CATSPER1: variants seen among roughly 807,000 people sequenced by gnomAD.
CATSPER1 encodes the protein cation channel sperm-associated protein 1.
A neutral mutation model predicts 72.7 loss-of-function variants in CATSPER1; 57 were observed. The ratio of observed to expected loss-of-function variants is 0.78; its 90% CI spans 0.63 to 0.98. The LOEUF (loss-of-function observed/expected upper bound fraction) is 0.98. CATSPER1 is among the 50% of genes least tolerant of loss of function. The pLI is 0.00. For synonymous variants in CATSPER1, 363 were observed against 403.0 expected (o/e 0.90, Z 1.19); for missense variants, 910 against 1,033.9 (o/e 0.88, Z 1.64).
intron 4 of CATSPER1, 142 bp downstream of exon 4, chr11:66,021,354 C>G: frequency 1.6e-6 from 2 of 1,254,000 alleles, no homozygotes; most frequent in Non-Finnish European, 2.2e-6. Context: ...CAGTGCATGA[C>G]AGAAGGCAGA....
At chr11:66,018,687 A>T in intron 10 of CATSPER1, 140 bp downstream of exon 10, 1 of 894,836 alleles carries the variant, frequency 1.1e-6, no homozygotes, top group Non-Finnish European at 1.8e-6. Context: ...TCCTCGTTGC[A>T]CCCACAGGCT....
Position 66,026,131 on chromosome 11 carries a change from C to A in CATSPER1, c.249G>T (p.Glu83Asp), listed in dbSNP as rs759895166. The change falls in exon 1 of 12, where the codon GAG (glutamate) becomes GAT (aspartate). Residue 83 changes from glutamate (E) to aspartate (D), a missense_variant. By Grantham distance (45) the Glu-to-Asp change is conservative. Transcript: ENST00000312106. Reference sequence around the variant, plus strand: ...CATGGGCTCTGCCGTGATTCCGTGCCTCGCTGTGGTGGTGAGATTGGTGGA... The same window carrying A: ...CATGGGCTCTGCCGTGATTCCGTGCATCGCTGTGGTGGTGAGATTGGTGGA... The part of the protein sequence containing the change: ...SHVHQSHHHS[E>D]ARNHGRAHGP... The A allele has an allele frequency of 6.2e-7, 1 of 1,607,152 alleles. No homozygotes were observed. Among genetic ancestry groups the A allele is most frequent in the East Asian group, 2.2e-5 (1 of 44,666 alleles).
intron 4 of CATSPER1, 22 bp downstream of exon 4, chr11:66,021,474 G>T: frequency 1.9e-6 from 3 of 1,611,356 alleles, no homozygotes; most frequent in Non-Finnish European, 1.7e-6. Flanking sequence ...CCCCACCCCA[G>T]GTGGGAGCCG....
At chr11:66,019,223 C>A (rs1471001444) in intron 9 of CATSPER1, among the ~76,000 whole-genome samples, 1 of 152,058 alleles carries the variant, frequency 6.6e-6, no homozygotes, top group East Asian at 1.9e-4. Context: ...CTGAAGTTAG[C>A]CCCACCCCCC....
chr11:66,020,086 G>A lies in CATSPER1; in HGVS notation c.2125+54C>T. 6.4e-7 allele frequency: 1 copy of A among 1,564,804 alleles called. No homozygotes were observed. Among genetic ancestry groups the A allele is most frequent in the Admixed American group, 1.7e-5 (1 of 59,940 alleles). On this transcript the variant is annotated intron_variant, in intron 9 of 11. Coordinates refer to ENST00000312106, the MANE Select transcript of CATSPER1 (RefSeq NM_053054.4). The surrounding 1 kb of genome is among the most constrained non-coding windows in gnomAD (Gnocchi z 4.5). The stretch of plus-strand genomic sequence containing the variant: ...TGGAAGGAGGTTAGGGGGATGGAGA[G>A]ACTGGCCCCCACTGCGGACGGGCAG...
rs145583697 is a variant in CATSPER1, at chr11:66,020,933, C to T, written c.1805G>A (p.Arg602Gln). The T allele has an allele frequency of 4.3e-5, 70 of 1,613,942 alleles. No individual in the cohort carries two copies. In the African/African-American group the frequency reaches 7.3e-4, roughly 17 times the overall value. ...GGGGTCAGATTTGCGGAACAGTGCC[C>T]GGAGGACCGCGGAGAAGAGGACTGG... The part of the protein sequence containing the change: ...TCLFLFSAVL[R>Q]ALFRKSDPKR... Residue 602 changes from arginine to glutamine, a missense_variant, in exon 6 of 12, where the codon CGG becomes CAG. Physicochemically the swap from Arg to Gln is conservative, Grantham distance 43. Transcript: ENST00000312106. The surrounding 1 kb of genome is among the most constrained non-coding windows in gnomAD (Gnocchi z 4.5).
rs1283800560 is a variant in CATSPER1 at position 66,021,618 on chromosome 11, C to T, written c.1569G>A (p.Val523=). Residue 523 remains valine (V), a synonymous_variant, in exon 4 of 12, where the codon GTG becomes GTA. Coordinates refer to ENST00000312106, the MANE Select transcript of CATSPER1 (RefSeq NM_053054.4). ...NLDFFIMAMA[V]LDFLLMQTHS... Reference sequence around the variant, plus strand: ...GGGTCTGCATCAGCAAGAAGTCCAGCACGGCCATGGCCATAATGAAGAAGT... The same window carrying T: ...GGGTCTGCATCAGCAAGAAGTCCAGTACGGCCATGGCCATAATGAAGAAGT... 6 of 1,608,852 alleles carry T rather than the reference C, an allele frequency of 3.7e-6. No individual in the cohort carries two copies. The highest frequency in any genetic ancestry group is 5.1e-6 in the Non-Finnish European group (6 of 1,177,554).
In CATSPER1 at chr11:66,017,194, T is replaced by TGGGGGGGGGGGGGGGGCCC; in HGVS notation, c.2202-21_2202-20insGGGCCCCCCCCCCCCCCCC. On this transcript the variant is annotated intron_variant, in intron 10 of 11. Coordinates refer to ENST00000312106, the MANE Select transcript of CATSPER1 (RefSeq NM_053054.4). ...TGCTGCCTGCGGGTGGGCGGGGGGG[T>TGGGGGGGGGGGGGGGGCCC]CGCAGAGACAGGGGCTGGGCTGACC... 1.8e-6 allele frequency: 1 copy of TGGGGGGGGGGGGGGGGCCC among 550,276 alleles called. No homozygotes were observed. The highest frequency in any genetic ancestry group is 5.3e-5 in the East Asian group (1 of 18,950). The allele number at this position is 550,276 out of a possible 1,614,324, so 34.1% of individuals were successfully genotyped here.
At chr11:66,022,808 T>G (rs992833891) in intron 2 of CATSPER1, 41 bp downstream of exon 2, 1 of 1,601,116 alleles carries the variant, frequency 6.2e-7, no homozygotes, top group African/African-American at 1.3e-5. Flanking sequence ...TGGAAGAGCA[T>G]CGGTGGCTTC....
chr11:66,025,709 T>C lies in CATSPER1; in HGVS notation c.671A>G (p.His224Arg). ...ATGATGACGGGACCTGCCATGGTGG[T>C]GGACTTGGTGATGGTGGGGCCAGCC... ...HRGWPHHHQV[H>R]HHGRSRHHEA... Residue 224 changes from histidine to arginine, a missense_variant, in exon 1 of 12, where the codon CAC becomes CGC. Physicochemically the swap from His to Arg is conservative, Grantham distance 29. Transcript: ENST00000312106. 2 of 1,613,360 alleles carry C rather than the reference T, an allele frequency of 1.2e-6. No homozygotes were observed. The highest frequency in any genetic ancestry group is 1.7e-6 in the Non-Finnish European group (2 of 1,179,784).
rs1282163572 is a variant in CATSPER1 at position 66,020,961 on chromosome 11, G to T, written c.1784-7C>A. On this transcript the variant is annotated splice_polypyrimidine_tract_variant and splice_region_variant and intron_variant, in intron 5 of 11. Coordinates refer to ENST00000312106, the MANE Select transcript of CATSPER1 (RefSeq NM_053054.4). The surrounding 1 kb of genome is among the most constrained non-coding windows in gnomAD (Gnocchi z 4.5). ...AGGACCGCGGAGAAGAGGACTGGCT[G>T]TTCAGGGCCAAACTCAGCTCTCCAG... 2 of 1,613,842 alleles carry T rather than the reference G, an allele frequency of 1.2e-6. No homozygotes were observed. The highest frequency in any genetic ancestry group is 8.5e-7 in the Non-Finnish European group (1 of 1,180,018).
Position 66,017,194 on chromosome 11 carries a change from T to TGGGGGGGGGGGGGGGGGGGGGGCCCC in CATSPER1, c.2202-21_2202-20insGGGGCCCCCCCCCCCCCCCCCCCCCC. The TGGGGGGGGGGGGGGGGGGGGGGCCCC allele has an allele frequency of 5.5e-6, 3 of 550,234 alleles. No homozygotes were observed. Among genetic ancestry groups the TGGGGGGGGGGGGGGGGGGGGGGCCCC allele is most frequent in the Non-Finnish European group, 1.0e-5 (3 of 295,832 alleles). The allele number at this position is 550,234 out of a possible 1,614,324, so 34.1% of individuals were successfully genotyped here. A position where few individuals can be genotyped will look rare whatever the true frequency, so the allele number is the denominator to read the frequency against. On this transcript the variant is annotated intron_variant, in intron 10 of 11. Coordinates refer to ENST00000312106, the MANE Select transcript of CATSPER1 (RefSeq NM_053054.4). Reference sequence around the variant, plus strand: ...TGCTGCCTGCGGGTGGGCGGGGGGGTCGCAGAGACAGGGGCTGGGCTGACC... The same window carrying TGGGGGGGGGGGGGGGGGGGGGGCCCC: ...TGCTGCCTGCGGGTGGGCGGGGGGGTGGGGGGGGGGGGGGGGGGGGGGCCCCCGCAGAGACAGGGGCTGGGCTGACC...
Position 66,016,849 on chromosome 11 carries a change from A to G in CATSPER1, c.*41T>C. On this transcript the variant is annotated 3_prime_UTR_variant, in exon 12 of 12. Transcript: ENST00000312106. ...CGTCCCAGTGCACCCAGGTGGGCAG[A>G]CTGCCAGGGGCTGAAGTCTGTATCT... The G allele has an allele frequency of 6.2e-7, 1 of 1,604,212 alleles. No homozygotes were observed. Among genetic ancestry groups the G allele is most frequent in the African/African-American group, 1.3e-5 (1 of 74,846 alleles).
Position 66,025,955 on chromosome 11 carries a change from T to TTA in CATSPER1, c.424_425insTA (p.His142LeufsTer194), listed in dbSNP as rs1856494842. 1 of 1,613,320 alleles carries TTA rather than the reference T, an allele frequency of 6.2e-7. No individual in the cohort carries two copies. The highest frequency in any genetic ancestry group is 1.7e-5 in the Admixed American group (1 of 59,920). ...GCCATGGTGAGACCCCCTATGGTAA[T>TTA]GGGAGTCACTCTGCTGATGGAACCC... On this transcript the variant is annotated frameshift_variant, in exon 1 of 12. Coordinates refer to ENST00000312106, the MANE Select transcript of CATSPER1 (RefSeq NM_053054.4). LOFTEE classifies it high-confidence loss of function.
chr11:66,024,275 T>G (rs925561495), intron 1 of CATSPER1, among the ~76,000 whole-genome samples: 4 of 131,862 alleles, frequency 3.0e-5, no homozygotes, highest in African/African-American at 7.8e-5. Flanking sequence ...CTATTTGTTT[T>G]TTTTTTTTTT....
chr11:66,017,186 C>CGG lies in CATSPER1; in HGVS notation c.2202-14_2202-13dup. The CGG allele has an allele frequency of 1.5e-5, 4 of 258,976 alleles. No individual in the cohort carries two copies. The highest frequency in any genetic ancestry group is 5.4e-5 in the Admixed American group (1 of 18,640). 16.0% of individuals were successfully genotyped at this position (258,976 alleles called of 1,614,324 possible). On this transcript the variant is annotated splice_polypyrimidine_tract_variant and intron_variant, in intron 10 of 11. Transcript: ENST00000312106. Reference sequence around the variant, plus strand: ...GGAGCTCCTGCTGCCTGCGGGTGGGCGGGGGGGTCGCAGAGACAGGGGCTG... The same window carrying CGG: ...GGAGCTCCTGCTGCCTGCGGGTGGGCGGGGGGGGGTCGCAGAGACAGGGGCTG...
intron 1 of CATSPER1, 69 bp downstream of exon 1, chr11:66,025,095 G>A: frequency 6.3e-7 from 1 of 1,599,400 alleles, no homozygotes; most frequent in Non-Finnish European, 8.6e-7. Flanking sequence ...GACAGTGCGG[G>A]GCCGAGATCA....
rs1362879931 is a variant in CATSPER1 at position 66,018,824 on chromosome 11, C to T, written c.2201+3G>A. The T allele has an allele frequency of 6.2e-7, 1 of 1,613,460 alleles. No individual in the cohort carries two copies. Among genetic ancestry groups the T allele is most frequent in the South Asian group, 1.1e-5 (1 of 91,056 alleles). ...AGGCCTCGCTCCCTTCCTGTCTCCTCACTTCTCAGTCATGGTCCCAAACTT... is the reference window on the plus strand; with the variant it reads ...AGGCCTCGCTCCCTTCCTGTCTCCTTACTTCTCAGTCATGGTCCCAAACTT... On this transcript the variant is annotated splice_donor_region_variant and intron_variant, in intron 10 of 11. Transcript: ENST00000312106.
At position 66,022,929 on chromosome 11, in the gene CATSPER1, T is replaced by C. The variant is rs1856407486; in HGVS notation, c.1349A>G (p.Glu450Gly). ...IRNLTQSLAFETFIFFVVCLN... is the reference protein window; with the variant it reads ...IRNLTQSLAFGTFIFFVVCLN... ...GCAGACAACGAAGAAGATGAAAGTTTCAAAGGCCAAGGATTGGGTCAGGTT... is the reference window on the plus strand; with the variant it reads ...GCAGACAACGAAGAAGATGAAAGTTCCAAAGGCCAAGGATTGGGTCAGGTT... The change falls in exon 2 of 12, where the codon GAA becomes GGA. Residue 450 changes from glutamate to glycine, a missense_variant. By Grantham distance (98) the Glu-to-Gly change is moderately conservative (BLOSUM62 -2). Coordinates refer to ENST00000312106, the MANE Select transcript of CATSPER1 (RefSeq NM_053054.4). 6.2e-7 allele frequency: 1 copy of C among 1,614,224 alleles called. No individual in the cohort carries two copies. Among genetic ancestry groups the C allele is most frequent in the East Asian group, 2.2e-5 (1 of 44,876 alleles).
Sources: allele counts gnomAD v4.1 joint callset (sites outside exome capture counted in the v4.1 genomes callset), GRCh38; gene constraint gnomAD v4.1.1; non-coding constraint Gnocchi (gnomAD v3.1); transcripts MANE v1.5; gene names NCBI Gene and HGNC (gene_info 2026-07-23, HGNC 2026-07-21).